Variants in ATG5 observed in about 807,000 individuals in gnomAD.
ATG5 encodes autophagy related 5, also known as autophagy protein 5.
In ATG5, 14 loss-of-function variants were observed where a neutral mutation model predicts 36.5. The observed-to-expected ratio is 0.38, with a 90% CI of 0.25 to 0.60. ATG5 has a LOEUF of 0.60. ATG5 is among the 20% of genes least tolerant of loss of function. ATG5 has a pLI of 0.60. For missense variants in ATG5, 195 were observed against 326.7 expected, an observed-to-expected ratio of 0.60 and a Z score of 3.11; for synonymous variants, 95 against 101.5, an observed-to-expected ratio of 0.94 and a Z score of 0.38.
intron 5 of ATG5, among the ~76,000 whole-genome samples, chr6:106,275,850 G>A (rs1779622390): frequency 6.6e-6 from 1 of 152,204 alleles, no homozygotes; most frequent in Non-Finnish European, 1.5e-5. Context: ...TAAAAGGCCA[G>A]ACAATAAATA....
At position 106,185,576 on chromosome 6, in the gene ATG5, A is replaced by G. The variant is rs1218048469; in HGVS notation, c.*964T>C. ...CTGGCTGCCAGGGACCACAGTGAAA[A>G]ATTAGACCTGGAGCCAATGAAAAAC... On this transcript the variant is annotated 3_prime_UTR_variant, in exon 8 of 8. Transcript: ENST00000369076. The G allele has an allele frequency of 6.6e-6, 1 of 152,320 alleles. No individual in the cohort carries two copies. Among genetic ancestry groups the G allele is most frequent in the Non-Finnish European group, 1.5e-5 (1 of 68,016 alleles). The allele number at this position is 152,320 out of a possible 1,614,324, so 9.4% of individuals were successfully genotyped here. A position where few individuals can be genotyped will look rare whatever the true frequency, so the allele number is the denominator to read the frequency against.
intron 4 of ATG5, among the ~76,000 whole-genome samples, chr6:106,291,381 G>A (rs1019432649): frequency 1.3e-5 from 2 of 152,152 alleles, no homozygotes; most frequent in Non-Finnish European, 2.9e-5. Flanking sequence ...TTGTGCTAAG[G>A]CACCCACAGT....
intron 4 of ATG5, among the ~76,000 whole-genome samples, chr6:106,289,180 C>T (rs1288870212): frequency 6.6e-6 from 1 of 152,132 alleles, no homozygotes; most frequent in Non-Finnish European, 1.5e-5. Flanking sequence ...AAACTATTTT[C>T]TACAAACTTT....
intron 5 of ATG5, among the ~76,000 whole-genome samples, chr6:106,276,755 C>T (rs1219431173): frequency 3.3e-5 from 5 of 152,170 alleles, no homozygotes; most frequent in Non-Finnish European, 7.4e-5. Context: ...TCAAATCCTT[C>T]TCTCTTTACA....
intron 6 of ATG5, among the ~76,000 whole-genome samples, chr6:106,225,152 CCTATTT>C (rs1777406868): frequency 3.3e-5 from 5 of 152,276 alleles, no homozygotes; most frequent in Admixed American, 3.3e-4. Context: ...TCACAATAAC[CCTATTT>C]TACAGATTAT....
chr6:106,321,365 T>C (rs1420739342), intron 1 of ATG5, among the ~76,000 whole-genome samples: 3 of 151,366 alleles, frequency 2.0e-5, no homozygotes, highest in Non-Finnish European at 3.0e-5. Flanking sequence ...GTCAACTCTT[T>C]TTTTTTTTTT....
chr6:106,241,831 C>T (rs1438772236), intron 6 of ATG5, among the ~76,000 whole-genome samples: 7 of 152,112 alleles, frequency 4.6e-5, no homozygotes, highest in African/African-American at 1.7e-4. Flanking sequence ...CTTGGTGAGT[C>T]CAGGGTCTGA....
chr6:106,218,676 G>C (rs2114418616), intron 6 of ATG5, among the ~76,000 whole-genome samples: 1 of 152,194 alleles, frequency 6.6e-6, no homozygotes, highest in South Asian at 2.1e-4. Flanking sequence ...TGAACACCTA[G>C]TGAAGAGTAT....
intron 7 of ATG5, among the ~76,000 whole-genome samples, chr6:106,189,631 TTAA>T (rs1028055011): frequency 2.7e-5 from 3 of 110,050 alleles, no homozygotes; most frequent in South Asian, 3.5e-4. Flanking sequence ...AAACAAAAAA[TTAA>T]TAATAAAACA....
chr6:106,310,184 T>G (rs1770597215), intron 2 of ATG5, among the ~76,000 whole-genome samples: 1 of 152,104 alleles, frequency 6.6e-6, no homozygotes, highest in Non-Finnish European at 1.5e-5. Flanking sequence ...AGGCACACAA[T>G]AAATATTTGC....
At chr6:106,317,764 A>T (rs1770908806) in intron 1 of ATG5, among the ~76,000 whole-genome samples, 1 of 152,220 alleles carries the variant, frequency 6.6e-6, no homozygotes, top group Admixed American at 6.5e-5. Context: ...CAAGTTTACA[A>T]ATGACACAAA....
At chr6:106,282,567 G>C (rs1779922677) in intron 4 of ATG5, among the ~76,000 whole-genome samples, 2 of 152,124 alleles carry the variant, frequency 1.3e-5, no homozygotes, top group Non-Finnish European at 2.9e-5. Context: ...AGACATTCTT[G>C]CCTTTTTCCT....
At chr6:106,250,757 G>T (rs1364247232) in intron 5 of ATG5, among the ~76,000 whole-genome samples, 2 of 152,146 alleles carry the variant, frequency 1.3e-5, no homozygotes, top group Admixed American at 6.5e-5. Context: ...TCAAAGAATG[G>T]ATAGAACACT....
chr6:106,246,951 T>C (rs989409624), intron 6 of ATG5, among the ~76,000 whole-genome samples: 1 of 152,232 alleles, frequency 6.6e-6, no homozygotes, highest in Non-Finnish European at 1.5e-5. Flanking sequence ...AGCATGAACC[T>C]AACAATAACC....
intron 6 of ATG5, among the ~76,000 whole-genome samples, chr6:106,221,719 A>G (rs1383476837): frequency 6.6e-6 from 1 of 151,610 alleles, no homozygotes; most frequent in Non-Finnish European, 1.5e-5. Context: ...AAGAAAAAAA[A>G]ATCAAAACTG....
chr6:106,201,903 T>C, intron 7 of ATG5, 69 bp downstream of exon 7: 1 of 1,166,612 alleles, frequency 8.6e-7, no homozygotes, highest in East Asian at 2.4e-5. Context: ...TGTTTATAAA[T>C]GTGGAATGCT....
intron 3 of ATG5, among the ~76,000 whole-genome samples, chr6:106,293,631 T>C (rs183707001): frequency 2.6e-5 from 4 of 152,344 alleles, no homozygotes; most frequent in Admixed American, 1.3e-4. Flanking sequence ...GACTATCCTT[T>C]ACAAACTGTA....
intron 2 of ATG5, among the ~76,000 whole-genome samples, chr6:106,311,991 G>A (rs542358158): frequency 5.9e-5 from 9 of 152,038 alleles, no homozygotes; most frequent in East Asian, 5.8e-4. Context: ...CCACCACACC[G>A]GGCTAATTTT....
intron 5 of ATG5, among the ~76,000 whole-genome samples, chr6:106,253,753 G>A (rs1378880480): frequency 1.3e-5 from 2 of 151,974 alleles, no homozygotes; most frequent in Non-Finnish European, 2.9e-5. Context: ...TTTCTAATGG[G>A]CCATAAAACA....
Sources: allele counts gnomAD v4.1 joint callset (sites outside exome capture counted in the v4.1 genomes callset), GRCh38; gene constraint gnomAD v4.1.1; transcripts MANE v1.5; gene names NCBI Gene and HGNC (gene_info 2026-07-23, HGNC 2026-07-21).